STRIP1: variants seen among roughly 807,000 people sequenced by gnomAD.
STRIP1 encodes the protein striatin interacting protein 1.
STRIP1 carries 63 observed loss-of-function variants against 106.2 expected under a neutral mutation model. That is an observed-to-expected ratio of 0.59 (90% CI 0.48 to 0.73). The LOEUF is 0.73. STRIP1 is among the 30% of genes least tolerant of loss of function. The probability of loss-of-function intolerance (pLI) is 0.00; values close to 1 mark genes in which losing one functional copy is unlikely to be tolerated. For missense variants in STRIP1, 857 were observed against 1,074.8 expected, an observed-to-expected ratio of 0.80 and a Z score of 2.83; for synonymous variants, 390 against 413.0, an observed-to-expected ratio of 0.94 and a Z score of 0.67.
At chr1:110,043,942 G>C (rs910392704) in intron 10 of STRIP1, 86 bp downstream of exon 10, 2 of 1,262,868 alleles carry the variant, frequency 1.6e-6, no homozygotes, top group African/African-American at 3.0e-5. Context: ...GTGTCACCAT[G>C]TGTGGTCCTC....
Position 110,043,103 on chromosome 1 carries a change from T to C in STRIP1, c.901T>C (p.Phe301Leu). Residue 301 changes from phenylalanine to leucine, a missense_variant, in exon 9 of 21, where the codon TTT becomes CTT. Around this residue, in one of 2 missense-constraint regions of STRIP1, gnomAD observed 750 missense variants for 989.8 expected, o/e 0.76. Transcript: ENST00000369795. Reference protein sequence around the residue: ...WKTVLCTLGGFEELQSMKAEK... With the variant: ...WKTVLCTLGGLEELQSMKAEK... ...TGTGATGCAGTGCACGCTAGGCGGC[T>C]TTGAGGAGCTGCAGAGCATGAAGGC... 1.2e-6 allele frequency: 2 copies of C among 1,613,032 alleles called. No homozygotes were observed. The highest frequency in any genetic ancestry group is 1.3e-5 in the African/African-American group (1 of 75,042).
intron 18 of STRIP1, 54 bp downstream of exon 18, chr1:110,050,463 G>GGC: frequency 1.3e-6 from 2 of 1,527,584 alleles, no homozygotes; most frequent in Non-Finnish European, 1.8e-6. Context: ...TCAGTGGGTA[G>GGC]AGAGCCTGCC....
intron 3 of STRIP1, 146 bp from the exon 4 acceptor site, chr1:110,039,026 G>C (rs925550665): frequency 2.1e-6 from 2 of 940,228 alleles, no homozygotes; most frequent in East Asian, 2.5e-5. Context: ...CAAATTCATA[G>C]AGCAGCAGTA....
chr1:110,032,852 C>T (rs1406907713), upstream of STRIP1, among the ~76,000 whole-genome samples: 1 of 152,224 alleles, frequency 6.6e-6, no homozygotes, highest in East Asian at 1.9e-4. Flanking sequence ...AATCCCTTCT[C>T]CAAAAGCAGC....
intron 6 of STRIP1, 86 bp from the exon 7 acceptor site, chr1:110,041,450 T>G (rs1441611702): frequency 7.9e-6 from 7 of 883,252 alleles, no homozygotes; most frequent in Non-Finnish European, 1.3e-5. Flanking sequence ...AGTAAGCCCC[T>G]GCTTTGTGTA....
At chr1:110,044,245 T>C (rs1235641676) in intron 10 of STRIP1, among the ~76,000 whole-genome samples, 1 of 152,186 alleles carries the variant, frequency 6.6e-6, no homozygotes, top group Non-Finnish European at 1.5e-5. Context: ...ATAATGAAAA[T>C]GTTTGAGATA....
rs1182343707 is a variant in STRIP1, at chr1:110,043,198, A to G, written c.996A>G (p.Arg332=). The change falls in exon 9 of 21, where the codon AGA becomes AGG. Residue 332 remains arginine (R), a synonymous_variant. Transcript: ENST00000369795. ...GCATCAAAGTGATTCGCAACATGAG[A>G]GCAGCCTCTCCACCAGCATCTGCTT... ...EDSIKVIRNM[R]AASPPASASD... 2 of 1,613,918 alleles carry G rather than the reference A, an allele frequency of 1.2e-6. No homozygotes were observed. Among genetic ancestry groups the G allele is most frequent in the Non-Finnish European group, 1.7e-6 (2 of 1,180,020 alleles).
At position 110,043,748 on chromosome 1, in the gene STRIP1, G is replaced by A. The variant is rs1557791747; in HGVS notation, c.1178G>A (p.Gly393Glu). 1 of 1,614,154 alleles carries A rather than the reference G, an allele frequency of 6.2e-7. No homozygotes were observed. ...AATGATGATGACAACAGTCTGGAGG[G>A]GGAGACGTTTCCCCTGGAACGGGAT... ...EENDDDNSLEGETFPLERDEV... is the reference protein window; with the variant it reads ...EENDDDNSLEEETFPLERDEV... The change falls in exon 10 of 21, where the codon GGG becomes GAG. Residue 393 changes from glycine (G) to glutamate (E), a missense_variant. Coordinates refer to ENST00000369795, the MANE Select transcript of STRIP1 (RefSeq NM_033088.4).
chr1:110,035,221 A>T (rs1369449590), intron 1 of STRIP1, among the ~76,000 whole-genome samples: 1 of 152,046 alleles, frequency 6.6e-6, no homozygotes, highest in Admixed American at 6.5e-5. Context: ...TGTCCCTGGC[A>T]CGCGGGCTCC....
Position 110,053,861 on chromosome 1 carries a change from A to G in STRIP1, c.2463A>G (p.Leu821=). The change falls in exon 21 of 21, where the codon TTA becomes TTG. Residue 821 remains leucine (L), a synonymous_variant. Transcript: ENST00000369795. ...EDFQMNYDLW[L]EREVFSKPIS... Reference sequence around the variant, plus strand: ...TTCAGATGAACTATGACCTCTGGTTAGAAAGGGAGGTCTTCTCCAAGCCCA... The same window carrying G: ...TTCAGATGAACTATGACCTCTGGTTGGAAAGGGAGGTCTTCTCCAAGCCCA... The G allele has an allele frequency of 6.2e-7, 1 of 1,614,160 alleles. No homozygotes were observed. Among genetic ancestry groups the G allele is most frequent in the Non-Finnish European group, 8.5e-7 (1 of 1,180,028 alleles).
At chr1:110,049,691 T>C (rs1653202074) in intron 17 of STRIP1, 131 bp downstream of exon 17, 6 of 643,558 alleles carry the variant, frequency 9.3e-6, no homozygotes, top group Non-Finnish European at 1.4e-5. Context: ...GACATAAAGA[T>C]AAATGAGACA....
intron 8 of STRIP1, 126 bp from the exon 9 acceptor site, chr1:110,042,962 G>T: frequency 1.2e-6 from 1 of 858,582 alleles, no homozygotes; most frequent in Non-Finnish European, 1.8e-6. Flanking sequence ...CATTGTTCAG[G>T]AGTTGCCTGG....
intron 20 of STRIP1, among the ~76,000 whole-genome samples, chr1:110,052,669 T>C (rs2101787882): frequency 6.6e-6 from 1 of 152,110 alleles, no homozygotes; most frequent in Admixed American, 6.5e-5. Flanking sequence ...GGGGTTTCAC[T>C]GTGTTAGCCA....
rs560170934 is a variant in STRIP1 at position 110,035,760 on chromosome 1, A to G, written c.180+943A>G. 2.7e-3 allele frequency among the ~76,000 whole-genome samples: 404 copies of G among 152,318 alleles called. 2 individuals are homozygous for G. The highest frequency in any genetic ancestry group is 0.01 in the Middle Eastern group (3 of 294). ...AGAGGGAATTCCTAGTTGTCCAAGC[A>G]TAATGTACCAATTCATACCAAAGAG... is the stretch of plus-strand genomic sequence containing the variant. On this transcript the variant is annotated intron_variant, in intron 1 of 20. Coordinates refer to ENST00000369795, the MANE Select transcript of STRIP1 (RefSeq NM_033088.4).
upstream of STRIP1, among the ~76,000 whole-genome samples, chr1:110,032,043 T>C (rs1652206578): frequency 6.6e-6 from 1 of 152,094 alleles, no homozygotes; most frequent in Non-Finnish European, 1.5e-5. Flanking sequence ...CCCTCAAAGT[T>C]AGCCATTTTC....
At chr1:110,051,988 C>T (rs1653324143) in intron 20 of STRIP1, 101 bp downstream of exon 20, 2 of 1,270,484 alleles carry the variant, frequency 1.6e-6, no homozygotes, top group Non-Finnish European at 2.2e-6. Flanking sequence ...CTGCCCTGAG[C>T]TTCCCCCCAA....
At chr1:110,038,310 G>A in intron 2 of STRIP1, 1 of 207,320 alleles carries the variant, frequency 4.8e-6, no homozygotes, top group Non-Finnish European at 9.8e-6. Context: ...ATCTGCTGCT[G>A]CCACTGCCAC....
In STRIP1 at chr1:110,051,024, G is replaced by A. The variant is rs759620806; in HGVS notation, c.2025G>A (p.Leu675=). 2 of 1,613,880 alleles carry A rather than the reference G, an allele frequency of 1.2e-6. No individual in the cohort carries two copies. The highest frequency in any genetic ancestry group is 1.1e-5 in the South Asian group (1 of 91,068). ...CTTGTATCAATCTGCTTCGGATCTT[G>A]AACAAGCTGACAAAGTGGAAGCATT... ...LFSCINLLRI[L]NKLTKWKHSR... is the part of the protein sequence containing the mutation. The change falls in exon 19 of 21, where the codon TTG becomes TTA. Residue 675 remains leucine, a synonymous_variant. Transcript: ENST00000369795.
chr1:110,047,047 CA>C lies in STRIP1; in HGVS notation c.1488+306del, dbSNP rs957253846. Among the ~76,000 whole-genome samples the C allele has an allele frequency of 1.3e-4, 19 of 149,408 alleles. No individual in the cohort carries two copies. In the South Asian group the frequency reaches 2.7e-3, roughly 22 times the overall value. On this transcript the variant is annotated intron_variant, in intron 13 of 20. Transcript: ENST00000369795. Reference sequence around the variant, plus strand: ...CCTGGGCGACAGAGCGAGACCATCTCAAAAAAAAAAGTTAGAGGTCCTCTTC... The same window carrying C: ...CCTGGGCGACAGAGCGAGACCATCTCAAAAAAAAAGTTAGAGGTCCTCTTC...
Sources: gnomAD v4.1 joint callset for allele counts (sites outside exome capture counted in the v4.1 genomes callset) on GRCh38, gnomAD v4.1.1 for gene constraint, gnomAD v4.1.1 regional missense constraint, MANE v1.5 for transcripts, NCBI Gene and HGNC (gene_info 2026-07-23, HGNC 2026-07-21) for gene names.